Variants in UBR4 observed in about 807,000 individuals in gnomAD.
The protein encoded by UBR4 is E3 ubiquitin-protein ligase UBR4.
In UBR4, 124 loss-of-function variants were observed where a neutral mutation model predicts 575.6. The observed-to-expected ratio is 0.22, with a 90% CI of 0.19 to 0.25. The LOEUF (loss-of-function observed/expected upper bound fraction) is 0.25. Ranked by LOEUF, UBR4 falls within the 10% of genes least tolerant of loss-of-function variation. UBR4 has a pLI of 1.00. For missense variants in UBR4, 4,818 were observed against 6,478.8 expected, an observed-to-expected ratio of 0.74 and a Z score of 8.80; for synonymous variants, 2,455 against 2,473.7, an observed-to-expected ratio of 0.99 and a Z score of 0.22.
intron 38 of UBR4, 29 bp from the exon 39 acceptor site, chr1:19,160,310 GAAAAA>G: frequency 1.1e-5 from 12 of 1,113,250 alleles, no homozygotes; most frequent in South Asian, 1.8e-5. Context: ...ATACACCAGT[GAAAAA>G]AAAAAAAAAG....
In UBR4 at chr1:19,175,016, T is replaced by C. The variant is rs1451343366; in HGVS notation, c.2791A>G (p.Arg931Gly). Reference protein sequence around the residue: ...HFSSDAVPHPRFYCVLSPEAS... With the variant: ...HFSSDAVPHPGFYCVLSPEAS... ...TCTGGGGACAGGACACAGTAGAATCTGGGGTGTGGGACAGCATCTGAAAAG... is the reference window on the plus strand; with the variant it reads ...TCTGGGGACAGGACACAGTAGAATCCGGGGTGTGGGACAGCATCTGAAAAG... Residue 931 changes from arginine (R) to glycine (G), a missense_variant, in exon 21 of 106, where the codon AGA becomes GGA. Around this residue, in one of 29 missense-constraint regions of UBR4, gnomAD observed 1,172 missense variants for 1,259.7 expected, o/e 0.93. Transcript: ENST00000375254. The C allele has an allele frequency of 1.9e-6, 3 of 1,613,824 alleles. No homozygotes were observed. The highest frequency in any genetic ancestry group is 2.5e-6 in the Non-Finnish European group (3 of 1,179,902).
Position 19,093,841 on chromosome 1 carries a change from G to T in UBR4, c.13937+108C>A. The T allele has an allele frequency of 1.6e-6, 2 of 1,288,710 alleles. No homozygotes were observed. Among genetic ancestry groups the T allele is most frequent in the African/African-American group, 1.5e-5 (1 of 66,876 alleles). 79.8% of individuals were successfully genotyped at this position (1,288,710 alleles called of 1,614,324 possible). ...TGAGCTCCTTAAAAGCCAGAACGAGGACACAAAAATCTAATAGGTATTCAG... is the reference window on the plus strand; with the variant it reads ...TGAGCTCCTTAAAAGCCAGAACGAGTACACAAAAATCTAATAGGTATTCAG... On this transcript the variant is annotated intron_variant, in intron 95 of 105. Coordinates refer to ENST00000375254, the MANE Select transcript of UBR4 (RefSeq NM_020765.3). This position sits in a 1 kb window ranked among gnomAD's most constrained non-coding sequence, Gnocchi z 4.8.
chr1:19,186,516 G>C, intron 14 of UBR4, 24 bp downstream of exon 14: 2 of 1,596,174 alleles, frequency 1.3e-6, no homozygotes, highest in Non-Finnish European at 1.7e-6. Flanking sequence ...TTATCTCTGG[G>C]AGAGAGAAAA....
chr1:19,118,941 T>C lies in UBR4; in HGVS notation c.10472A>G (p.Gln3491Arg), dbSNP rs777939403. The change falls in exon 71 of 106, where the codon CAG (glutamine) becomes CGG (arginine). Residue 3491 changes from glutamine (Q) to arginine (R), a missense_variant. Gln to Arg is a conservative substitution (Grantham distance 43). Around this residue, in one of 29 missense-constraint regions of UBR4, gnomAD observed 550 missense variants for 791.5 expected, o/e 0.69. Transcript: ENST00000375254. ...AGTCCGCAGAATCTCCACAGCCTTC[T>C]GTGAATACTCCTTCAACTGAAACAG... ...QTEKKLKEYS[Q>R]KAVEILRTQN... 2 of 1,614,198 alleles carry C rather than the reference T, an allele frequency of 1.2e-6. No homozygotes were observed. Among genetic ancestry groups the C allele is most frequent in the Non-Finnish European group, 1.7e-6 (2 of 1,180,014 alleles).
At position 19,162,614 on chromosome 1, in the gene UBR4, G is replaced by A. The variant is rs2087563690; in HGVS notation, c.4765-3C>T. 1 of 1,605,904 alleles carries A rather than the reference G, an allele frequency of 6.2e-7. No individual in the cohort carries two copies. Among genetic ancestry groups the A allele is most frequent in the Non-Finnish European group, 8.5e-7 (1 of 1,175,548 alleles). ...GTGCACTCCAAGATCATCACATGCT[G>A]TAAGAGAAGCCCCACAGCAACTTCA... On this transcript the variant is annotated splice_region_variant and splice_polypyrimidine_tract_variant and intron_variant, in intron 34 of 105. Coordinates refer to ENST00000375254, the MANE Select transcript of UBR4 (RefSeq NM_020765.3).
intron 66 of UBR4, 34 bp from the exon 67 acceptor site, chr1:19,122,046 C>A (rs1216963095): frequency 6.2e-7 from 1 of 1,609,576 alleles, no homozygotes; most frequent in South Asian, 1.1e-5. Context: ...AAAGGAGTAA[C>A]TCCACCACAT....
intron 105 of UBR4, among the ~76,000 whole-genome samples, 162 bp downstream of exon 105, chr1:19,076,578 C>T (rs1266934054): frequency 6.6e-6 from 1 of 152,164 alleles, no homozygotes; most frequent in African/African-American, 2.4e-5. Flanking sequence ...TTATCGGTGA[C>T]TTGCTATTTA....
At position 19,086,704 on chromosome 1, in the gene UBR4, A is replaced by G; in HGVS notation, c.14662T>C (p.Tyr4888His). The stretch of plus-strand genomic sequence containing the variant: ...CTGACGGCAGCCAGATGGCAGTCGT[A>G]GTGCACAATGTTGAAGTGGGACACG... Reference protein sequence around the residue: ...STVSHFNIVHYDCHLAAVRLA... With the variant: ...STVSHFNIVHHDCHLAAVRLA... Residue 4888 changes from tyrosine (Y) to histidine (H), a missense_variant, in exon 100 of 106, where the codon TAC becomes CAC. By Grantham distance (83) the Tyr-to-His change is moderately conservative. This residue lies in a region of UBR4 where 196 missense variants were observed against 386.8 expected (regional missense o/e 0.51). Coordinates refer to ENST00000375254, the MANE Select transcript of UBR4 (RefSeq NM_020765.3). 2 of 1,614,112 alleles carry G rather than the reference A, an allele frequency of 1.2e-6. No individual in the cohort carries two copies. The highest frequency in any genetic ancestry group is 1.7e-6 in the Non-Finnish European group (2 of 1,179,982).
At chr1:19,113,605 G>A (rs2149342352) in intron 77 of UBR4, 94 bp downstream of exon 77, 1 of 1,556,568 alleles carries the variant, frequency 6.4e-7, no homozygotes, top group Non-Finnish European at 8.7e-7. Context: ...ACCAAGACCT[G>A]GACTGCTAGA....
At chr1:19,206,078 A>G (rs2092992389) in intron 1 of UBR4, among the ~76,000 whole-genome samples, 1 of 152,242 alleles carries the variant, frequency 6.6e-6, no homozygotes, top group African/African-American at 2.4e-5. Flanking sequence ...TATGTGCTCC[A>G]TTGAGCTAGT....
chr1:19,131,773 T>A (rs2082488061), intron 60 of UBR4, among the ~76,000 whole-genome samples: 1 of 152,194 alleles, frequency 6.6e-6, no homozygotes, highest in Admixed American at 6.5e-5. Context: ...TTTGGGAGGC[T>A]GAGGCAGGAG....
Position 19,161,590 on chromosome 1 carries a change from A to G in UBR4, c.5174T>C (p.Leu1725Ser). The G allele has an allele frequency of 6.2e-7, 1 of 1,604,320 alleles. No individual in the cohort carries two copies. The highest frequency in any genetic ancestry group is 8.5e-7 in the Non-Finnish European group (1 of 1,175,656). Residue 1725 changes from leucine (L) to serine (S), a missense_variant and splice_region_variant, in exon 37 of 106, where the codon TTG becomes TCG. Coordinates refer to ENST00000375254, the MANE Select transcript of UBR4 (RefSeq NM_020765.3). ...ATAGCTCAGGGAGGGTCCTCTCACC[A>G]AACAGCTGCCATCTTCCTTGGCTCC... ...DCGAKEDGSC[L>S]ALVKRTPSSG... is the part of the protein sequence containing the mutation.
At chr1:19,079,870 T>C (rs528439737) in intron 103 of UBR4, 1 of 152,216 alleles carries the variant, frequency 6.6e-6, no homozygotes, top group Non-Finnish European at 1.5e-5. Flanking sequence ...AACTTAATTA[T>C]TTAAGGCCAA....
chr1:19,106,686 G>A lies in UBR4; in HGVS notation c.12276C>T (p.Leu4092=), dbSNP rs771843849. The part of the protein sequence containing the change: ...GNGKAPSKSE[L]RHLYLTEKYV... ...ACTTCTCAGTCAAATAGAGATGGCG[G>A]AGCTCTGATTTGCTGGGGGCTTTCC... The change falls in exon 83 of 106, where the codon CTC becomes CTT. Residue 4092 remains leucine (L), a synonymous_variant. Coordinates refer to ENST00000375254, the MANE Select transcript of UBR4 (RefSeq NM_020765.3). 4 of 1,608,602 alleles carry A rather than the reference G, an allele frequency of 2.5e-6. No homozygotes were observed. The highest frequency in any genetic ancestry group is 3.4e-6 in the Non-Finnish European group (4 of 1,176,968).
intron 60 of UBR4, among the ~76,000 whole-genome samples, chr1:19,134,236 A>G (rs995350244): frequency 3.3e-5 from 5 of 151,856 alleles, no homozygotes; most frequent in African/African-American, 1.2e-4. Flanking sequence ...CCTGGGCAAC[A>G]GAGTGAGACT....
chr1:19,171,462 C>T (rs2089526921), intron 25 of UBR4, among the ~76,000 whole-genome samples: 1 of 152,138 alleles, frequency 6.6e-6, no homozygotes, highest in Non-Finnish European at 1.5e-5. Context: ...CCTCAAACAA[C>T]AGCCCTCTAT....
intron 66 of UBR4, among the ~76,000 whole-genome samples, chr1:19,122,228 C>A (rs2081259936): frequency 6.6e-6 from 1 of 152,214 alleles, no homozygotes; most frequent in Non-Finnish European, 1.5e-5. Flanking sequence ...TGCCTTTGTT[C>A]TACCCCATCC....
rs1282503942 is a variant in UBR4 at position 19,119,818 on chromosome 1, T to C, written c.10311-117A>G. On this transcript the variant is annotated intron_variant, in intron 69 of 105. Coordinates refer to ENST00000375254, the MANE Select transcript of UBR4 (RefSeq NM_020765.3). ...ACAATTATGGGTTAAGTTTGAACGG[T>C]TTTGTTTCACTTTTGACAATCAATC... The C allele has an allele frequency of 2.2e-6, 3 of 1,363,720 alleles. No individual in the cohort carries two copies. In the African/African-American group the frequency reaches 4.4e-5, roughly 20 times the overall value. 84.5% of individuals were successfully genotyped at this position (1,363,720 alleles called of 1,614,324 possible). A position where few individuals can be genotyped will look rare whatever the true frequency, so the allele number is the denominator to read the frequency against.
At position 19,183,985 on chromosome 1, in the gene UBR4, A is replaced by T. The variant is rs1037613538; in HGVS notation, c.2098+31T>A. The T allele has an allele frequency of 2.5e-6, 4 of 1,613,814 alleles. No individual in the cohort carries two copies. The East Asian group carries it at 8.9e-5, about 36-fold the overall frequency. ...AACAGCCAAACTCCATGAGAAAAAA[A>T]ATCCATCAGGCACATATCTTGTCTA... is the stretch of plus-strand genomic sequence containing the variant. On this transcript the variant is annotated intron_variant, in intron 16 of 105. Transcript: ENST00000375254.
Sources: gnomAD v4.1 joint callset for allele counts (sites outside exome capture counted in the v4.1 genomes callset) on GRCh38, gnomAD v4.1.1 for gene constraint, gnomAD v4.1.1 regional missense constraint, Gnocchi (gnomAD v3.1) non-coding constraint, MANE v1.5 for transcripts, NCBI Gene and HGNC (gene_info 2026-07-23, HGNC 2026-07-21) for gene names.